The following IGSF5 variants were observed in gnomAD, a reference collection of about 807,000 sequenced individuals.
IGSF5 encodes immunoglobulin superfamily member 5.
IGSF5 carries 41 observed loss-of-function variants against 39.4 expected under a neutral mutation model. The ratio of observed to expected loss-of-function variants is 1.04; its 90% CI spans 0.81 to 1.35. The LOEUF (loss-of-function observed/expected upper bound fraction) is 1.35. Ranked by LOEUF, IGSF5 falls within the 40% of genes most tolerant of loss-of-function variation. The pLI is 0.00. For missense variants in IGSF5, 487 were observed against 494.6 expected (o/e 0.98, Z 0.15); for synonymous variants, 183 against 175.3 (o/e 1.04, Z -0.34).
chr21:39,800,593 G>A (rs2087023299), intron 8 of IGSF5, among the ~76,000 whole-genome samples: 1 of 152,192 alleles, frequency 6.6e-6, no homozygotes, highest in African/African-American at 2.4e-5. Context: ...AGACTTGCTA[G>A]CATTCCATCA....
In IGSF5 at chr21:39,770,989, A is replaced by G. The variant is rs144481914; in HGVS notation, c.492A>G (p.Leu164=). Residue 164 remains leucine, a synonymous_variant, in exon 4 of 9, where the codon CTA becomes CTG. Coordinates refer to ENST00000380588, the MANE Select transcript of IGSF5 (RefSeq NM_001080444.2). ...ATGAACCTTGTGAAGTTACTTGTCT[A>G]CCCTCACACTGGACCCGGCTCCCGG... ...AENEPCEVTC[L]PSHWTRLPDI... 5,275 of 1,613,138 alleles carry G rather than the reference A, an allele frequency of 3.3e-3. 11 individuals carry two copies. Among genetic ancestry groups the G allele is most frequent in the Non-Finnish European group, 4.2e-3 (5,010 of 1,179,642 alleles).
chr21:39,787,188 G>A (rs1178123166), intron 5 of IGSF5, among the ~76,000 whole-genome samples: 2 of 152,120 alleles, frequency 1.3e-5, no homozygotes, highest in African/African-American at 4.8e-5. Context: ...CTGTGCTTAC[G>A]CTGGTGGCGT....
chr21:39,722,461 C>A, the IGSF5 span: 1 of 152,176 alleles, frequency 6.6e-6, no homozygotes, highest in Non-Finnish European at 1.5e-5. Flanking sequence ...TGTCACATTT[C>A]TGTCCCTACA....
chr21:39,734,980 C>T, the IGSF5 span, among the ~76,000 whole-genome samples: 6 of 152,042 alleles, frequency 3.9e-5, no homozygotes, highest in Non-Finnish European at 8.8e-5. Flanking sequence ...TCTCCTGCTT[C>T]AGCCTCCCAA....
intron 8 of IGSF5, among the ~76,000 whole-genome samples, chr21:39,800,043 G>C (rs2087020256): frequency 6.6e-6 from 1 of 152,128 alleles, no homozygotes; most frequent in Admixed American, 6.5e-5. Flanking sequence ...ATGAATTTGG[G>C]TGCAACTGCA....
At chr21:39,714,497 C>G in the IGSF5 span, among the ~76,000 whole-genome samples, 6 of 152,204 alleles carry the variant, frequency 3.9e-5, no homozygotes, top group Non-Finnish European at 7.3e-5. Context: ...TAATAAGTAT[C>G]ACACACTGGG....
intron 5 of IGSF5, among the ~76,000 whole-genome samples, chr21:39,787,386 T>C (rs1339664686): frequency 1.3e-5 from 2 of 152,180 alleles, no homozygotes; most frequent in Admixed American, 6.6e-5. Context: ...AAGCTTGATA[T>C]ATAGAAGGCC....
chr21:39,773,460 C>G (rs2080124520), intron 4 of IGSF5, among the ~76,000 whole-genome samples: 1 of 150,922 alleles, frequency 6.6e-6, no homozygotes, highest in African/African-American at 2.5e-5. Context: ...AAAGACTTCC[C>G]TCCCCTTTCT....
chr21:39,722,793 T>C, the IGSF5 span, among the ~76,000 whole-genome samples: 1 of 152,214 alleles, frequency 6.6e-6, no homozygotes, highest in South Asian at 2.1e-4. Flanking sequence ...TTCATTTACT[T>C]GTCTGTTTTC....
chr21:39,767,800 G>A (rs1259746584), intron 3 of IGSF5, among the ~76,000 whole-genome samples: 2 of 152,174 alleles, frequency 1.3e-5, no homozygotes, highest in Non-Finnish European at 2.9e-5. Context: ...GGTTCCAGTC[G>A]GGAGGGGAGC....
At chr21:39,790,863 A>G (rs568870155) in intron 6 of IGSF5, among the ~76,000 whole-genome samples, 1 of 152,354 alleles carries the variant, frequency 6.6e-6, no homozygotes, top group African/African-American at 2.4e-5. Context: ...AGTAATACAA[A>G]ATAAAGAAGC....
intron 4 of IGSF5, among the ~76,000 whole-genome samples, chr21:39,774,841 GT>G (rs770251860): frequency 8.5e-5 from 13 of 152,238 alleles, no homozygotes; most frequent in Non-Finnish European, 1.3e-4. Flanking sequence ...GCAGAGAAGA[GT>G]AGTAGAAGTG....
At chr21:39,759,893 A>T (rs927038043) in intron 2 of IGSF5, among the ~76,000 whole-genome samples, 5 of 150,624 alleles carry the variant, frequency 3.3e-5, no homozygotes, top group Non-Finnish European at 7.4e-5. Flanking sequence ...AAGCTGAGGC[A>T]TACGTGCTGT....
Position 39,771,017 on chromosome 21 carries a change from A to G in IGSF5, c.520A>G (p.Ile174Val), listed in dbSNP as rs1227114227. The G allele has an allele frequency of 6.2e-7, 1 of 1,613,538 alleles. No homozygotes were observed. Among genetic ancestry groups the G allele is most frequent in the South Asian group, 1.1e-5 (1 of 90,950 alleles). The change falls in exon 4 of 9, where the codon ATT becomes GTT. Residue 174 changes from isoleucine to valine, a missense_variant. Ile to Val is a conservative substitution (Grantham distance 29, BLOSUM62 3). Coordinates refer to ENST00000380588, the MANE Select transcript of IGSF5 (RefSeq NM_001080444.2). ...LPSHWTRLPD[I>V]SWELGLLVSH... Reference sequence around the variant, plus strand: ...CTCACACTGGACCCGGCTCCCGGATATTTCCTGGGAGCTCGGTCTCCTGGT... The same window carrying G: ...CTCACACTGGACCCGGCTCCCGGATGTTTCCTGGGAGCTCGGTCTCCTGGT...
upstream of IGSF5, among the ~76,000 whole-genome samples, chr21:39,744,400 G>C (rs559812371): frequency 1.3e-5 from 2 of 152,350 alleles, no homozygotes; most frequent in African/African-American, 4.8e-5. Context: ...TTTTGATTCT[G>C]TAAGTACTTT....
the IGSF5 span, among the ~76,000 whole-genome samples, chr21:39,717,240 T>G: frequency 1.3e-5 from 2 of 152,372 alleles, no homozygotes; most frequent in South Asian, 4.1e-4. Flanking sequence ...TGCTGGATAT[T>G]AGACCTTTGT....
At chr21:39,793,427 A>C in intron 7 of IGSF5, 107 bp from the exon 8 acceptor site, 1 of 775,118 alleles carries the variant, frequency 1.3e-6, no homozygotes, top group Non-Finnish European at 2.2e-6. Context: ...GGATTATGCC[A>C]GCGGTACTAC....
chr21:39,739,745 TG>T, the IGSF5 span, among the ~76,000 whole-genome samples: 1 of 152,154 alleles, frequency 6.6e-6, no homozygotes, highest in Non-Finnish European at 1.5e-5. Context: ...CATTGGAGCA[TG>T]GGCTGTCAGG....
the IGSF5 span, among the ~76,000 whole-genome samples, chr21:39,731,459 C>T: frequency 2.3e-3 from 350 of 152,294 alleles, 1 homozygote; most frequent in Admixed American, 4.3e-3. Context: ...TGCGCTATTA[C>T]TCTTGTGATT....
Sources: gnomAD v4.1 joint callset for allele counts (sites outside exome capture counted in the v4.1 genomes callset) on GRCh38, gnomAD v4.1.1 for gene constraint, MANE v1.5 for transcripts, NCBI Gene and HGNC (gene_info 2026-07-23, HGNC 2026-07-21) for gene names.